IL1RAPL1: variants seen among roughly 807,000 people sequenced by gnomAD.
IL1RAPL1 encodes the protein interleukin-1 receptor accessory protein-like 1.
In IL1RAPL1, 3 loss-of-function variants were observed where a neutral mutation model predicts 48.4. That is an observed-to-expected ratio of 0.06 (90% confidence interval 0.03 to 0.16). The LOEUF is 0.16. Among genes scored for constraint, IL1RAPL1 ranks in the 10% least tolerant of loss-of-function variants. The probability of loss-of-function intolerance (pLI) is 1.00; values close to 1 mark genes in which losing one functional copy is unlikely to be tolerated. For synonymous variants in IL1RAPL1, 185 were observed against 187.7 expected, an observed-to-expected ratio of 0.99 and a Z score of 0.12; for missense variants, 349 against 530.6, an observed-to-expected ratio of 0.66 and a Z score of 3.36.
intron 1 of IL1RAPL1, among the ~76,000 whole-genome samples, chrX:28,605,698 T>C (rs1934076192): frequency 8.9e-6 from 1 of 112,113 alleles, no homozygotes; most frequent in South Asian, 3.7e-4. Context: ...CTGATTTTAC[T>C]TGGAGTAAAA....
rs1470013134 is a variant in IL1RAPL1, at chrX:29,081,040, T to TC, written c.83-201898_83-201897insC. 4.9e-3 allele frequency among the ~76,000 whole-genome samples: 435 copies of TC among 89,506 alleles called. 12 individuals are homozygous for TC. Among genetic ancestry groups the TC allele is most frequent in the Non-Finnish European group, 7.2e-3 (323 of 45,108 alleles). 77.7% of individuals were successfully genotyped at this position (89,506 alleles called of 115,157 possible). ...TCTCTCTTTCTTTTCTTTTCTTTTC[T>TC]TTTCTTTTCTTTTCTTTTCTTTCTT... On this transcript the variant is annotated intron_variant, in intron 2 of 10. Transcript: ENST00000378993.
chrX:28,747,230 TTTC>T (rs1935990330), intron 1 of IL1RAPL1, among the ~76,000 whole-genome samples: 1 of 111,629 alleles, frequency 9.0e-6, no homozygotes, highest in African/African-American at 3.3e-5. Flanking sequence ...ATAATACTAT[TTTC>T]TTCTTATGAG....
intron 2 of IL1RAPL1, among the ~76,000 whole-genome samples, chrX:29,128,341 C>A (rs778667100): frequency 2.7e-5 from 3 of 111,205 alleles, no homozygotes; most frequent in African/African-American, 9.8e-5. Context: ...CACTTCTCCT[C>A]AATTCACACC....
At chrX:29,463,674 A>C (rs1193458457) in intron 5 of IL1RAPL1, among the ~76,000 whole-genome samples, 2 of 110,935 alleles carry the variant, frequency 1.8e-5, no homozygotes, top group Non-Finnish European at 3.8e-5. Context: ...CGACCCCCAC[A>C]CTCTTTGACA....
At chrX:28,831,876 A>C (rs980571692) in intron 2 of IL1RAPL1, among the ~76,000 whole-genome samples, 1 of 111,291 alleles carries the variant, frequency 9.0e-6, no homozygotes, top group African/African-American at 3.3e-5. Context: ...ATTACTTTGT[A>C]CTTAACTTTT....
intron 2 of IL1RAPL1, among the ~76,000 whole-genome samples, chrX:29,108,267 A>G (rs754230306): frequency 1.8e-5 from 2 of 111,895 alleles, no homozygotes; most frequent in Non-Finnish European, 1.9e-5. Context: ...GTAGTTGTAG[A>G]TAGTTCATTC....
chrX:29,019,819 A>T (rs1295770807), intron 2 of IL1RAPL1, among the ~76,000 whole-genome samples: 1 of 112,387 alleles, frequency 8.9e-6, no homozygotes, highest in South Asian at 3.7e-4. Context: ...AGTGATTCTC[A>T]TTCAAGGAGT....
chrX:29,120,408 A>G lies in IL1RAPL1; in HGVS notation c.83-162530A>G, dbSNP rs751915297. Reference sequence around the variant, plus strand: ...TGATTAAATAAGGAGTCCTTTCCCCATTGCTTATTTTTGCTGATTTGGTCT... The same window carrying G: ...TGATTAAATAAGGAGTCCTTTCCCCGTTGCTTATTTTTGCTGATTTGGTCT... On this transcript the variant is annotated intron_variant, in intron 2 of 10. Coordinates refer to ENST00000378993, the MANE Select transcript of IL1RAPL1 (RefSeq NM_014271.4). 9.0e-5 allele frequency among the ~76,000 whole-genome samples: 10 copies of G among 111,232 alleles called. No homozygotes were observed. The East Asian group carries it at 2.5e-3, about 28-fold the overall frequency.
intron 6 of IL1RAPL1, among the ~76,000 whole-genome samples, chrX:29,781,897 C>G (rs1202723039): frequency 9.0e-6 from 1 of 111,213 alleles, no homozygotes; most frequent in African/African-American, 3.3e-5. Context: ...GGGATTTTTC[C>G]TTTCCAGTCT....
chrX:28,956,472 G>A (rs1162263759), intron 2 of IL1RAPL1, among the ~76,000 whole-genome samples: 2 of 110,476 alleles, frequency 1.8e-5, no homozygotes, highest in African/African-American at 6.6e-5. Flanking sequence ...TTAGCATGAA[G>A]GGTTGCTGAA....
At position 29,430,127 on chromosome X, in the gene IL1RAPL1, C is replaced by CTG. The variant is rs764805144; in HGVS notation, c.703+30820_703+30821insGT. Among the ~76,000 whole-genome samples, 13 of 107,935 alleles carry CTG rather than the reference C, an allele frequency of 1.2e-4. No homozygotes were observed. In the South Asian group the frequency reaches 4.9e-3, roughly 40 times the overall value. The allele number at this position is 107,935 out of a possible 115,157, so 93.7% of individuals were successfully genotyped here. ...TTGTTTTATGTCTCTCTCTGTCTGT[C>CTG]TCTCTCTCTCTCCCCCAACGTGTAG... On this transcript the variant is annotated intron_variant, in intron 5 of 10. Transcript: ENST00000378993.
chrX:29,449,033 T>C (rs1372983312), intron 5 of IL1RAPL1, among the ~76,000 whole-genome samples: 4 of 111,513 alleles, frequency 3.6e-5, no homozygotes, highest in South Asian at 7.6e-4. Context: ...TACCATCACA[T>C]TGGGGGTTAG....
chrX:28,636,149 G>A (rs1934461903), intron 1 of IL1RAPL1, among the ~76,000 whole-genome samples: 1 of 111,998 alleles, frequency 8.9e-6, no homozygotes, highest in South Asian at 3.7e-4. Flanking sequence ...CACCTGGAAT[G>A]TCATCTCTTT....
intron 6 of IL1RAPL1, among the ~76,000 whole-genome samples, chrX:29,671,698 C>T (rs1926146996): frequency 9.0e-6 from 1 of 111,587 alleles, no homozygotes; most frequent in African/African-American, 3.3e-5. Flanking sequence ...AAAAGACAGC[C>T]ACAATTGTCT....
At chrX:29,706,104 C>T (rs887291616) in intron 6 of IL1RAPL1, among the ~76,000 whole-genome samples, 3 of 111,224 alleles carry the variant, frequency 2.7e-5, no homozygotes, top group South Asian at 7.7e-4. Context: ...TTAAAACCAT[C>T]GGATCTTGTG....
intron 6 of IL1RAPL1, among the ~76,000 whole-genome samples, chrX:29,765,474 C>T (rs935746929): frequency 3.2e-4 from 36 of 111,770 alleles, no homozygotes; most frequent in African/African-American, 1.1e-3. Context: ...AACTTGAATG[C>T]AAAGTAATAA....
intron 6 of IL1RAPL1, among the ~76,000 whole-genome samples, chrX:29,680,713 T>C (rs1926424960): frequency 8.9e-6 from 1 of 112,298 alleles, no homozygotes; most frequent in Admixed American, 9.4e-5. Context: ...TTATTATGCC[T>C]CTTCATTAAC....
chrX:29,501,158 G>A (rs958162073), intron 5 of IL1RAPL1, among the ~76,000 whole-genome samples: 3 of 110,926 alleles, frequency 2.7e-5, no homozygotes, highest in South Asian at 3.8e-4. Flanking sequence ...GTTTTTTTGC[G>A]GTTGAATTGT....
intron 1 of IL1RAPL1, among the ~76,000 whole-genome samples, chrX:28,662,669 G>A (rs1191015023): frequency 9.0e-6 from 1 of 111,511 alleles, no homozygotes; most frequent in East Asian, 2.8e-4. Flanking sequence ...TCTGAGAAGA[G>A]CCATGTTTAT....
Sources: gnomAD v4.1 joint callset for allele counts (sites outside exome capture counted in the v4.1 genomes callset) on GRCh38, gnomAD v4.1.1 for gene constraint, MANE v1.5 for transcripts, NCBI Gene and HGNC (gene_info 2026-07-23, HGNC 2026-07-21) for gene names.